ROS1: variants seen among roughly 807,000 people sequenced by gnomAD.
The protein encoded by ROS1 is ROS proto-oncogene 1, receptor tyrosine kinase, also known as proto-oncogene tyrosine-protein kinase ROS.
In ROS1, 263 loss-of-function variants were observed where a neutral mutation model predicts 273.5. The ratio of observed to expected loss-of-function variants is 0.96; its 90% CI spans 0.87 to 1.06. The LOEUF (loss-of-function observed/expected upper bound fraction) is 1.06, where lower values mean the gene tolerates loss of function less well. ROS1 is among the 50% of genes least tolerant of loss of function. The pLI is 0.00. For missense variants in ROS1, 2,833 were observed against 2,751.1 expected (o/e 1.03, Z -0.67); for synonymous variants, 1,008 against 954.1 (o/e 1.06, Z -1.04).
intron 7 of ROS1, among the ~76,000 whole-genome samples, chr6:117,398,534 C>A (rs892703632): frequency 2.6e-5 from 4 of 152,158 alleles, no homozygotes; most frequent in South Asian, 2.1e-4. Flanking sequence ...CAAAAATTAG[C>A]CAGGCATGGT....
At chr6:117,389,199 G>A (rs1046667420) in intron 13 of ROS1, 151 bp downstream of exon 13, 1 of 829,270 alleles carries the variant, frequency 1.2e-6, no homozygotes, top group Non-Finnish European at 1.9e-6. Flanking sequence ...CAGAACAAAT[G>A]TATAAACTTT....
intron 35 of ROS1, among the ~76,000 whole-genome samples, chr6:117,323,250 T>A (rs568977362): frequency 6.6e-6 from 1 of 152,230 alleles, no homozygotes; most frequent in Admixed American, 6.5e-5. Flanking sequence ...TTGAAAAAAA[T>A]CTCAAATCGA....
rs867799555 is a variant in ROS1, at chr6:117,345,342, G to A, written c.4304-1080C>T. The stretch of plus-strand genomic sequence containing the variant: ...AAGCCCTTTCTGCCTTCCTATTCCA[G>A]GTGAAGGACATCTCCTCTCTGTCCT... On this transcript the variant is annotated intron_variant, in intron 27 of 43. Coordinates refer to ENST00000368507, the MANE Select transcript of ROS1 (RefSeq NM_001378902.1). 2.6e-5 allele frequency among the ~76,000 whole-genome samples: 4 copies of A among 152,224 alleles called. 1 individual carries two copies. The Middle Eastern group carries it at 0.01, about 391-fold the overall frequency.
intron 27 of ROS1, among the ~76,000 whole-genome samples, chr6:117,346,458 TA>T (rs930699801): frequency 3.4e-4 from 51 of 149,060 alleles, no homozygotes; most frequent in African/African-American, 9.8e-4. Flanking sequence ...AGTTCCAGTT[TA>T]AAAAAAAAAC....
intron 2 of ROS1, among the ~76,000 whole-genome samples, chr6:117,417,740 A>G (rs1775440535): frequency 6.6e-6 from 1 of 152,162 alleles, no homozygotes; most frequent in African/African-American, 2.4e-5. Flanking sequence ...AGGCTACTTC[A>G]CACCTTTGTG....
intron 2 of ROS1, among the ~76,000 whole-genome samples, chr6:117,417,780 T>C (rs1029909096): frequency 6.6e-6 from 1 of 152,222 alleles, no homozygotes; most frequent in East Asian, 1.9e-4. Context: ...CTCTGATCGA[T>C]AGGCTTTTTC....
rs1268176818 is a variant in ROS1 at position 117,288,643 on chromosome 6, T to A, written c.6875A>T (p.Glu2292Val). ...CTCTTCTTTCCTCAGACCACAAGAT[T>A]CAGATTCCTGGGAGCCTAGAGGACC... ...SEGPLGSQES[E>V]SCGLRKEEKE... The change falls in exon 44 of 44, where the codon GAA (glutamate) becomes GTA (valine). Residue 2292 changes from glutamate (E) to valine (V), a missense_variant. Transcript: ENST00000368507. 5.6e-6 allele frequency: 9 copies of A among 1,614,168 alleles called. No homozygotes were observed. The highest frequency in any genetic ancestry group is 6.8e-6 in the Non-Finnish European group (8 of 1,180,036).
At chr6:117,384,650 A>G (rs1323327067) in intron 16 of ROS1, among the ~76,000 whole-genome samples, 1 of 152,164 alleles carries the variant, frequency 6.6e-6, no homozygotes, top group African/African-American at 2.4e-5. Flanking sequence ...TTCAAAATAT[A>G]TCACTCCACA....
intron 42 of ROS1, among the ~76,000 whole-genome samples, chr6:117,303,326 A>C (rs1774876193): frequency 1.3e-5 from 2 of 152,232 alleles, no homozygotes; most frequent in Admixed American, 1.3e-4. Flanking sequence ...TAAAGAAAAC[A>C]AACACGAGTT....
Position 117,353,122 on chromosome 6 carries a change from A to G in ROS1, c.4171T>C (p.Trp1391Arg), listed in dbSNP as rs761853713. 2 of 1,613,748 alleles carry G rather than the reference A, an allele frequency of 1.2e-6. No homozygotes were observed. The highest frequency in any genetic ancestry group is 8.5e-7 in the Non-Finnish European group (1 of 1,179,792). ...GTGCTGTCCTTTGCTGTGATGATCCAGTATATAAGATCTCCATCCACAGTT... is the reference window on the plus strand; with the variant it reads ...GTGCTGTCCTTTGCTGTGATGATCCGGTATATAAGATCTCCATCCACAGTT... ...SLTVDGDLIY[W>R]IITAKDSTQI... is the part of the protein sequence containing the mutation. Residue 1391 changes from tryptophan (W) to arginine (R), a missense_variant, in exon 27 of 44, where the codon TGG (tryptophan) becomes CGG (arginine). Trp to Arg is a moderately radical substitution (Grantham distance 101). Coordinates refer to ENST00000368507, the MANE Select transcript of ROS1 (RefSeq NM_001378902.1).
chr6:117,394,933 C>G (rs1479422205), intron 9 of ROS1, among the ~76,000 whole-genome samples, 195 bp from the exon 10 acceptor site: 2 of 152,172 alleles, frequency 1.3e-5, no homozygotes, highest in Admixed American at 6.6e-5. Flanking sequence ...GTAGGAAGTA[C>G]AGTAACAATC....
rs145805740 is a variant in ROS1, at chr6:117,341,200, A to G, written c.4996T>C (p.Leu1666=). ...PYSLVPENTS[L]QFNWKAPLNV... ...AATGGAGCCTTCCAATTAAATTGCA[A>G]ACTAGTGTTCTCTGGAACCAAGGAA... Residue 1666 remains leucine, a synonymous_variant, in exon 31 of 44, where the codon TTG becomes CTG. Transcript: ENST00000368507. 3.9e-4 allele frequency: 627 copies of G among 1,613,518 alleles called. 2 individuals carry two copies. The East Asian group carries it at 0.013, about 34-fold the overall frequency.
intron 1 of ROS1, among the ~76,000 whole-genome samples, chr6:117,419,456 T>C (rs564779068): frequency 1.3e-5 from 2 of 152,324 alleles, no homozygotes; most frequent in African/African-American, 2.4e-5. Context: ...AGGATTCCTT[T>C]AAACTCCGTT....
At chr6:117,366,677 C>T (rs1194471693) in intron 18 of ROS1, among the ~76,000 whole-genome samples, 1 of 152,030 alleles carries the variant, frequency 6.6e-6, no homozygotes, top group Non-Finnish European at 1.5e-5. Context: ...CTAAGCCTGG[C>T]TAATTTTTTG....
intron 1 of ROS1, among the ~76,000 whole-genome samples, chr6:117,420,262 G>T (rs1775651270): frequency 6.6e-6 from 1 of 151,770 alleles, no homozygotes; most frequent in Non-Finnish European, 1.5e-5. Flanking sequence ...ATCCCCGCTG[G>T]TTTGCCTTAG....
chr6:117,389,945 T>C (rs1562353193), intron 12 of ROS1, 99 bp from the exon 13 acceptor site: 1 of 1,065,614 alleles, frequency 9.4e-7, no homozygotes, highest in Non-Finnish European at 1.4e-6. Context: ...ATCAGAACTA[T>C]GTATCTCTGA....
intron 23 of ROS1, 59 bp downstream of exon 23, chr6:117,360,283 C>CACACACACACACAT (rs1779684134): frequency 8.2e-7 from 1 of 1,216,876 alleles, no homozygotes; most frequent in Non-Finnish European, 1.2e-6. Context: ...GACACACACA[C>CACACACACACACAT]ACACACACAC....
At chr6:117,318,072 T>G (rs1582603374) in intron 38 of ROS1, 116 bp downstream of exon 38, 1 of 749,694 alleles carries the variant, frequency 1.3e-6, no homozygotes, top group East Asian at 2.7e-5. Context: ...TTTAAACGTT[T>G]CAACCATGTT....
At chr6:117,343,330 CAT>C (rs1208015224) in intron 28 of ROS1, among the ~76,000 whole-genome samples, 1 of 152,050 alleles carries the variant, frequency 6.6e-6, no homozygotes, top group Non-Finnish European at 1.5e-5. Context: ...TATGGGAAAA[CAT>C]ATAGTGTTTA....
Sources: gnomAD v4.1 joint callset for allele counts (sites outside exome capture counted in the v4.1 genomes callset) on GRCh38, gnomAD v4.1.1 for gene constraint, MANE v1.5 for transcripts, NCBI Gene and HGNC (gene_info 2026-07-23, HGNC 2026-07-21) for gene names.